Variants in EXOC3 observed in about 807,000 individuals in gnomAD.
EXOC3 encodes SEC6-like 1.
Under a neutral mutation model 73.7 loss-of-function variants are expected in EXOC3, and 21 were observed. The ratio of observed to expected loss-of-function variants is 0.29; its 90% CI spans 0.20 to 0.41. The LOEUF (loss-of-function observed/expected upper bound fraction) is 0.41, where lower values mean the gene tolerates loss of function less well. EXOC3 is among the 10% of genes least tolerant of loss of function. The probability of loss-of-function intolerance (pLI) is 1.00; values close to 1 mark genes in which losing one functional copy is unlikely to be tolerated. For missense variants in EXOC3, 842 were observed against 985.1 expected, an observed-to-expected ratio of 0.85 and a Z score of 1.95; for synonymous variants, 410 against 389.1, an observed-to-expected ratio of 1.05 and a Z score of -0.63.
rs1737392332 is a variant in EXOC3, at chr5:443,277, C to CTA, written c.-70_-69insTA. The stretch of plus-strand genomic sequence containing the variant: ...GCGGCGGCGGCGGCGGCGGCGGCGG[C>CTA]GTAGCCGTAGAGGGTGAGTCGGTGG... On this transcript the variant is annotated 5_prime_UTR_variant, in exon 1 of 13. Coordinates refer to ENST00000512944, the MANE Select transcript of EXOC3 (RefSeq NM_007277.5). 2.8e-5 allele frequency: 4 copies of CTA among 141,228 alleles called. No homozygotes were observed. Among genetic ancestry groups the CTA allele is most frequent in the Non-Finnish European group, 6.1e-5 (4 of 65,666 alleles). 8.7% of individuals were successfully genotyped at this position (141,228 alleles called of 1,614,324 possible). A position where few individuals can be genotyped will look rare whatever the true frequency, so the allele number is the denominator to read the frequency against.
At chr5:456,561 A>G (rs1452167485) in intron 4 of EXOC3, among the ~76,000 whole-genome samples, 2 of 152,232 alleles carry the variant, frequency 1.3e-5, no homozygotes, top group Non-Finnish European at 2.9e-5. Context: ...AAGCTGGCGC[A>G]GCAGGGTGAA....
Position 446,319 on chromosome 5 carries a change from G to T in EXOC3, c.114G>T (p.Arg38=). Residue 38 remains arginine, a synonymous_variant, in exon 2 of 13, where the codon CGG becomes CGT. Coordinates refer to ENST00000512944, the MANE Select transcript of EXOC3 (RefSeq NM_007277.5). The part of the protein sequence containing the change: ...KVEQYRRREA[R]KKASVEARLK... ...AGCAGTATCGCAGGAGAGAAGCGCG[G>T]AAGAAGGCCTCCGTGGAGGCCAGAT... 1.2e-6 allele frequency: 2 copies of T among 1,612,680 alleles called. No homozygotes were observed. The highest frequency in any genetic ancestry group is 2.2e-5 in the East Asian group (1 of 44,874).
chr5:446,481 T>A (rs1388490636), intron 2 of EXOC3, 132 bp downstream of exon 2: 1 of 822,544 alleles, frequency 1.2e-6, no homozygotes, highest in Non-Finnish European at 1.9e-6. Context: ...TCTTGAGCAG[T>A]TACTTTCAGC....
intron 5 of EXOC3, 61 bp from the exon 6 acceptor site, chr5:457,839 C>T (rs1399244226): frequency 8.4e-6 from 13 of 1,543,970 alleles, no homozygotes; most frequent in Middle Eastern, 1.7e-4. Flanking sequence ...AGGTAATTGG[C>T]ATGACCCTCA....
intron 7 of EXOC3, among the ~76,000 whole-genome samples, chr5:461,288 C>G (rs1187266606): frequency 2.0e-5 from 3 of 152,130 alleles, no homozygotes; most frequent in African/African-American, 7.2e-5. Flanking sequence ...TTTACCAACT[C>G]CTCAAAATTT....
rs766939855 is a variant in EXOC3 at position 466,945 on chromosome 5, C to T, written c.*47C>T. On this transcript the variant is annotated 3_prime_UTR_variant, in exon 13 of 13. Transcript: ENST00000512944. ...CGCCCCTCCACAGCCTCGGTCCCTG[C>T]CTTTAGAAACGCGGGACAGCTGATT... The T allele has an allele frequency of 2.6e-5, 39 of 1,523,616 alleles. No homozygotes were observed. Among genetic ancestry groups the T allele is most frequent in the Non-Finnish European group, 3.2e-5 (36 of 1,126,260 alleles). 94.4% of individuals were successfully genotyped at this position (1,523,616 alleles called of 1,614,324 possible).
At chr5:462,828 G>T (rs1738028620) in intron 9 of EXOC3, among the ~76,000 whole-genome samples, 1 of 152,224 alleles carries the variant, frequency 6.6e-6, no homozygotes, top group Non-Finnish European at 1.5e-5. Flanking sequence ...CTTGTAGGCC[G>T]GGTGTGGTGG....
chr5:457,253 G>A (rs927854468), intron 5 of EXOC3: 24 of 512,730 alleles, frequency 4.7e-5, no homozygotes, highest in Middle Eastern at 5.4e-4. Flanking sequence ...TGCCCTACTC[G>A]GCAGGCTGGC....
At chr5:456,592 A>G (rs1178968810) in intron 4 of EXOC3, among the ~76,000 whole-genome samples, 1 of 152,136 alleles carries the variant, frequency 6.6e-6, no homozygotes, top group Non-Finnish European at 1.5e-5. Context: ...GAGGGACTCA[A>G]GTGGTCTCGG....
At position 464,751 on chromosome 5, in the gene EXOC3, C is replaced by T. The variant is rs1349948428; in HGVS notation, c.1776+339C>T. ...CCTCCTTCCTGCAGGACCCAGGTTC[C>T]TCTTTCCTCCAAAGTGCCTGCCGCG... On this transcript the variant is annotated intron_variant, in intron 10 of 12. Transcript: ENST00000512944. 22 of 412,922 alleles carry T rather than the reference C, an allele frequency of 5.3e-5. No individual in the cohort carries two copies. The Admixed American group carries it at 6.4e-4, about 12-fold the overall frequency. The allele number at this position is 412,922 out of a possible 1,614,324, so 25.6% of individuals were successfully genotyped here.
intron 9 of EXOC3, 142 bp from the exon 10 acceptor site, chr5:464,148 T>G (rs1738066087): frequency 1.4e-6 from 1 of 709,814 alleles, no homozygotes; most frequent in Non-Finnish European, 2.3e-6. Context: ...TCGTGGGGCG[T>G]TGAGGTGAGG....
chr5:449,631 C>A (rs1448499861), intron 3 of EXOC3, among the ~76,000 whole-genome samples: 1 of 152,218 alleles, frequency 6.6e-6, no homozygotes, highest in Non-Finnish European at 1.5e-5. Flanking sequence ...GAATTTCCTT[C>A]ACTTTTAAGG....
intron 4 of EXOC3, among the ~76,000 whole-genome samples, chr5:454,759 A>G (rs941443467): frequency 6.6e-6 from 1 of 152,124 alleles, no homozygotes; most frequent in Non-Finnish European, 1.5e-5. Context: ...TCAATTTTCC[A>G]TGGTTTCATG....
intron 10 of EXOC3, chr5:464,630 G>A (rs993170625): frequency 4.3e-5 from 22 of 512,358 alleles, no homozygotes; most frequent in African/African-American, 9.7e-5. Context: ...CGAGGTGGAG[G>A]GAGCCATGGT....
intron 10 of EXOC3, chr5:464,891 G>A (rs1401023601): frequency 3.4e-6 from 2 of 585,040 alleles, no homozygotes; most frequent in Non-Finnish European, 6.0e-6. Flanking sequence ...CCTGCTGGGG[G>A]CCGGAGCTGG....
chr5:448,787 G>A (rs976540132), intron 3 of EXOC3, among the ~76,000 whole-genome samples: 8 of 152,198 alleles, frequency 5.3e-5, no homozygotes, highest in Non-Finnish European at 5.9e-5. Flanking sequence ...CAGCATTGCC[G>A]AGCACCTTGT....
rs767348798 is a variant in EXOC3, at chr5:465,252, C to T, written c.1918C>T (p.Leu640=). Residue 640 remains leucine, a synonymous_variant, in exon 11 of 13, where the codon CTG becomes TTG. Transcript: ENST00000512944. Reference sequence around the variant, plus strand: ...TAGGGAGGCAGAGCAGCTGCGCTTCCTGTTCCGGAAGCTGGCGTCCGTGAG... The same window carrying T: ...TAGGGAGGCAGAGCAGCTGCGCTTCTTGTTCCGGAAGCTGGCGTCCGTGAG... ...MVREAEQLRF[L]FRKLASGFGE... is the part of the protein sequence containing the mutation. 1 of 1,588,722 alleles carries T rather than the reference C, an allele frequency of 6.3e-7. No individual in the cohort carries two copies. Among genetic ancestry groups the T allele is most frequent in the South Asian group, 1.1e-5 (1 of 87,122 alleles).
At chr5:455,062 T>C (rs1424117335) in intron 4 of EXOC3, among the ~76,000 whole-genome samples, 1 of 152,214 alleles carries the variant, frequency 6.6e-6, no homozygotes, top group African/African-American at 2.4e-5. Context: ...TGTGCAACTG[T>C]GGCTCTCTGT....
intron 1 of EXOC3, among the ~76,000 whole-genome samples, chr5:444,471 C>G (rs979644567): frequency 2.0e-5 from 3 of 152,234 alleles, no homozygotes; most frequent in Admixed American, 6.5e-5. Flanking sequence ...CCCAGCAGAG[C>G]GGCTGGGGGT....
Sources: allele counts gnomAD v4.1 joint callset (sites outside exome capture counted in the v4.1 genomes callset), GRCh38; gene constraint gnomAD v4.1.1; transcripts MANE v1.5; gene names NCBI Gene and HGNC (gene_info 2026-07-23, HGNC 2026-07-21).